Variants in ATP8B4 observed in about 807,000 individuals in gnomAD.
The protein encoded by ATP8B4 is ATPase phospholipid transporting 8B4 (putative).
In ATP8B4, 133 loss-of-function variants were observed where a neutral mutation model predicts 145.6. The ratio of observed to expected loss-of-function variants is 0.91; its 90% confidence interval spans 0.79 to 1.05. ATP8B4 has a LOEUF of 1.05. ATP8B4 is among the 50% of genes least tolerant of loss of function. ATP8B4 has a pLI of 0.00. For synonymous variants in ATP8B4, 507 were observed against 492.9 expected (o/e 1.03, Z -0.38); for missense variants, 1,458 against 1,425.2 (o/e 1.02, Z -0.37).
At chr15:50,034,472 C>G (rs960329214) in intron 6 of ATP8B4, among the ~76,000 whole-genome samples, 6 of 152,082 alleles carry the variant, frequency 3.9e-5, no homozygotes, top group Non-Finnish European at 7.3e-5. Flanking sequence ...TCAGGTTATC[C>G]ACCTTCTCAG....
chr15:50,146,810 C>A (rs749364651), intron 1 of ATP8B4, among the ~76,000 whole-genome samples: 2 of 152,090 alleles, frequency 1.3e-5, no homozygotes, highest in African/African-American at 4.8e-5. Flanking sequence ...AGAGAACTTC[C>A]CACCCACAAG....
intron 14 of ATP8B4, among the ~76,000 whole-genome samples, chr15:49,953,231 T>C (rs1250505827): frequency 2.0e-5 from 3 of 152,004 alleles, no homozygotes; most frequent in African/African-American, 7.3e-5. Context: ...GCACTTTGTC[T>C]CTTGGTGGAA....
At chr15:50,122,161 G>A (rs1567395844), upstream of ATP8B4, among the ~76,000 whole-genome samples, 1 of 152,150 alleles carries the variant, frequency 6.6e-6, no homozygotes, top group African/African-American at 2.4e-5. Context: ...TATGGTTTTA[G>A]ATAAACAGAT....
chr15:49,995,041 G>A (rs2047315687), intron 9 of ATP8B4, among the ~76,000 whole-genome samples: 1 of 152,140 alleles, frequency 6.6e-6, no homozygotes, highest in Non-Finnish European at 1.5e-5. Context: ...TGTGACATGA[G>A]CAAGAATAAG....
intron 2 of ATP8B4, among the ~76,000 whole-genome samples, chr15:50,085,561 A>G (rs1406198015): frequency 6.6e-6 from 1 of 152,040 alleles, no homozygotes; most frequent in Non-Finnish European, 1.5e-5. Context: ...ATCACATCCT[A>G]CGGCACCTGG....
intron 14 of ATP8B4, among the ~76,000 whole-genome samples, chr15:49,951,598 G>T (rs2039997020): frequency 6.6e-6 from 1 of 152,048 alleles, no homozygotes; most frequent in African/African-American, 2.4e-5. Flanking sequence ...TTGCACATAA[G>T]ATGAGTCTCC....
intron 1 of ATP8B4, among the ~76,000 whole-genome samples, chr15:50,149,694 T>C (rs2044322855): frequency 6.6e-6 from 1 of 152,118 alleles, no homozygotes; most frequent in African/African-American, 2.4e-5. Context: ...TAAAAATAAA[T>C]GATATGTATT....
chr15:50,038,661 G>T, intron 6 of ATP8B4, 107 bp downstream of exon 6: 1 of 817,098 alleles, frequency 1.2e-6, no homozygotes, highest in Non-Finnish European at 1.9e-6. Flanking sequence ...ATAAATTAAA[G>T]GGAAAAAAGA....
chr15:49,967,923 C>G (rs1297279244), intron 13 of ATP8B4, among the ~76,000 whole-genome samples: 1 of 152,232 alleles, frequency 6.6e-6, no homozygotes, highest in Non-Finnish European at 1.5e-5. Flanking sequence ...AACAGTGGAT[C>G]TCTCTGCAGA....
At chr15:49,919,463 G>C (rs1566989193) in intron 18 of ATP8B4, among the ~76,000 whole-genome samples, 1 of 152,036 alleles carries the variant, frequency 6.6e-6, no homozygotes, top group South Asian at 2.1e-4. Context: ...TGTCGCCCAG[G>C]CTGGAGTGCA....
At chr15:50,032,124 G>A (rs938518023) in intron 6 of ATP8B4, among the ~76,000 whole-genome samples, 21 of 152,090 alleles carry the variant, frequency 1.4e-4, no homozygotes, top group African/African-American at 3.6e-4. Context: ...CTATCAACCC[G>A]TCATCTAGGT....
intron 11 of ATP8B4, 106 bp from the exon 12 acceptor site, chr15:49,979,919 C>G: frequency 1.4e-6 from 1 of 739,524 alleles, no homozygotes; most frequent in Non-Finnish European, 2.1e-6. Context: ...ATTTGAAAAG[C>G]AAGTATGCAA....
chr15:49,861,023 A>G (rs1216473318), intron 27 of ATP8B4, among the ~76,000 whole-genome samples: 1 of 151,606 alleles, frequency 6.6e-6, no homozygotes, highest in Non-Finnish European at 1.5e-5. Context: ...TAGGTTTCCC[A>G]CAACTCTTTC....
chr15:50,173,342 T>C (rs563479795), intron 1 of ATP8B4, among the ~76,000 whole-genome samples: 165 of 152,276 alleles, frequency 1.1e-3, no homozygotes, highest in African/African-American at 3.8e-3. Flanking sequence ...CATTTTGTTC[T>C]GTACTAAGAA....
At chr15:49,945,549 C>T (rs2042493805) in intron 14 of ATP8B4, among the ~76,000 whole-genome samples, 1 of 152,064 alleles carries the variant, frequency 6.6e-6, no homozygotes, top group Admixed American at 6.6e-5. Context: ...CAGACAAAGA[C>T]AACACAAGAA....
chr15:50,073,019 T>TATATACAC (rs1455088682), intron 3 of ATP8B4, among the ~76,000 whole-genome samples: 16 of 32,440 alleles, frequency 4.9e-4, no homozygotes, highest in Admixed American at 2.6e-3. Flanking sequence ...TATATATATA[T>TATATACAC]ACACACACAC....
Position 49,962,010 on chromosome 15 carries a change from A to AT in ATP8B4, c.1253dup (p.His418GlnfsTer2), listed in dbSNP as rs768439137. On this transcript the variant is annotated frameshift_variant, in exon 14 of 28. Transcript: ENST00000284509. LOFTEE classifies it high-confidence loss of function. ...TTTCTGTCTTCTGATCCAGGTCATCATGTACTTCACCTGACAAAACAAAAA... is the reference window on the plus strand; with the variant it reads ...TTTCTGTCTTCTGATCCAGGTCATCATTGTACTTCACCTGACAAAACAAAAA... The AT allele has an allele frequency of 6.7e-5, 107 of 1,594,468 alleles. No individual in the cohort carries two copies. The highest frequency in any genetic ancestry group is 8.9e-5 in the Non-Finnish European group (105 of 1,174,016).
Position 50,156,107 on chromosome 15 carries a change from A to AAATAT in ATP8B4, c.-43+26153_-43+26154insATATT, listed in dbSNP as rs1555498023. On this transcript the variant is annotated intron_variant, in intron 1 of 3. Coordinates refer to the ATP8B4 transcript ENST00000558829. ...ATATATATATAAATATATATATATA[A>AAATAT]ATATATATATAAATATATTTATATA... Among the ~76,000 whole-genome samples, 9 of 27,134 alleles carry AAATAT rather than the reference A, an allele frequency of 3.3e-4. 1 individual carries two copies. Among genetic ancestry groups the AAATAT allele is most frequent in the East Asian group, 1.4e-3 (1 of 720 alleles). 17.8% of individuals were successfully genotyped at this position (27,134 alleles called of 152,430 possible). A position where few individuals can be genotyped will look rare whatever the true frequency, so the allele number is the denominator to read the frequency against.
Position 50,073,017 on chromosome 15 carries a change from TATACAC to T in ATP8B4, c.87+1104_87+1109del, listed in dbSNP as rs1396516961. ...ATATATATATATATATATATATATA[TATACAC>T]ACACACACACACACACACACACACA... is the stretch of plus-strand genomic sequence containing the variant. On this transcript the variant is annotated intron_variant, in intron 3 of 27. Coordinates refer to ENST00000284509, the MANE Select transcript of ATP8B4 (RefSeq NM_024837.4). Among the ~76,000 whole-genome samples, 198 of 31,588 alleles carry T rather than the reference TATACAC, an allele frequency of 6.3e-3. 1 individual carries two copies. The highest frequency in any genetic ancestry group is 0.022 in the African/African-American group (148 of 6,632). 20.7% of individuals were successfully genotyped at this position (31,588 alleles called of 152,430 possible).
Sources: gnomAD v4.1 joint callset for allele counts (sites outside exome capture counted in the v4.1 genomes callset) on GRCh38, gnomAD v4.1.1 for gene constraint, MANE v1.5 for transcripts, NCBI Gene and HGNC (gene_info 2026-07-23, HGNC 2026-07-21) for gene names.